PCGF6: variants seen among roughly 807,000 people sequenced by gnomAD.
PCGF6 encodes the protein polycomb group ring finger 6.
Under a neutral mutation model 45.5 loss-of-function variants are expected in PCGF6, and 24 were observed. That is an observed-to-expected ratio of 0.53 (90% CI 0.38 to 0.74). PCGF6 has a LOEUF of 0.74. PCGF6 is among the 30% of genes least tolerant of loss of function. The probability of loss-of-function intolerance (pLI) is 0.00; values close to 1 mark genes in which losing one functional copy is unlikely to be tolerated. For synonymous variants in PCGF6, 152 were observed against 162.1 expected, an observed-to-expected ratio of 0.94 and a Z score of 0.47; for missense variants, 356 against 443.2, an observed-to-expected ratio of 0.80 and a Z score of 1.77.
intron 6 of PCGF6, among the ~76,000 whole-genome samples, chr10:103,339,862 CACACAA>C (rs2093273637): frequency 4.1e-5 from 5 of 122,766 alleles, no homozygotes; most frequent in East Asian, 2.4e-4. Context: ...CACACACACA[CACACAA>C]AAGCATCTTA....
chr10:103,319,687 C>G (rs2093189547), intron 8 of PCGF6, among the ~76,000 whole-genome samples: 1 of 152,048 alleles, frequency 6.6e-6, no homozygotes, highest in African/African-American at 2.4e-5. Context: ...ATACATAGAC[C>G]CTCAATTTAG....
At chr10:103,315,118 CTG>C (rs1159943212) in intron 8 of PCGF6, among the ~76,000 whole-genome samples, 13 of 152,068 alleles carry the variant, frequency 8.5e-5, no homozygotes, top group Non-Finnish European at 1.9e-4. Context: ...ACTAAGGAAA[CTG>C]TTTTGTAGAT....
At position 103,303,842 on chromosome 10, in the gene PCGF6, T is replaced by G. The variant is rs2093127724; in HGVS notation, c.*63A>C. 3 of 1,381,722 alleles carry G rather than the reference T, an allele frequency of 2.2e-6. No homozygotes were observed. The South Asian group carries it at 3.6e-5, about 17-fold the overall frequency. 85.6% of individuals were successfully genotyped at this position (1,381,722 alleles called of 1,614,324 possible). On this transcript the variant is annotated 3_prime_UTR_variant, in exon 10 of 10. Coordinates refer to ENST00000369847, the MANE Select transcript of PCGF6 (RefSeq NM_001011663.2). ...TAGCAATTACATTTCATGGAAATCT[T>G]TGGTGAGATGCAGTCCTGCAGAAGC...
intron 6 of PCGF6, among the ~76,000 whole-genome samples, chr10:103,344,244 G>GA (rs201738694): frequency 3.2e-4 from 46 of 143,806 alleles, no homozygotes; most frequent in Non-Finnish European, 4.3e-4. Context: ...GCAACCACAT[G>GA]AAAAAAAAAG....
chr10:103,349,312 T>A (rs1417182993), intron 1 of PCGF6, among the ~76,000 whole-genome samples: 1 of 151,874 alleles, frequency 6.6e-6, no homozygotes, highest in African/African-American at 2.4e-5. Context: ...CCTCCCAAAG[T>A]GCTAGGATTA....
intron 6 of PCGF6, among the ~76,000 whole-genome samples, chr10:103,339,305 G>C (rs923458372): frequency 1.1e-4 from 17 of 152,114 alleles, no homozygotes; most frequent in African/African-American, 4.1e-4. Flanking sequence ...CGAGAGGATT[G>C]CTTGAGTATA....
chr10:103,307,414 G>A (rs1318950606), intron 9 of PCGF6, among the ~76,000 whole-genome samples: 3 of 151,880 alleles, frequency 2.0e-5, no homozygotes, highest in Non-Finnish European at 4.4e-5. Flanking sequence ...TCCAACCTGG[G>A]CAACACGACA....
Position 103,310,903 on chromosome 10 carries a change from G to A in PCGF6, c.996+3283C>T, listed in dbSNP as rs117163338. On this transcript the variant is annotated intron_variant, in intron 9 of 9. Coordinates refer to ENST00000369847, the MANE Select transcript of PCGF6 (RefSeq NM_001011663.2). ...TTTCGTAGAGATGGGGTTTCATCACGTTGTCTAAGCTGGTCTTGAAGTGTT... is the reference window on the plus strand; with the variant it reads ...TTTCGTAGAGATGGGGTTTCATCACATTGTCTAAGCTGGTCTTGAAGTGTT... Among the ~76,000 whole-genome samples the A allele has an allele frequency of 5.9e-4, 90 of 152,090 alleles. 1 individual carries two copies. In the East Asian group the frequency reaches 0.016, roughly 28 times the overall value.
intron 9 of PCGF6, among the ~76,000 whole-genome samples, chr10:103,304,804 C>T (rs1463667579): frequency 6.6e-6 from 1 of 152,032 alleles, no homozygotes; most frequent in East Asian, 1.9e-4. Context: ...AATAGACACG[C>T]ACCACCACCA....
chr10:103,316,011 T>TAC (rs1405037542), intron 8 of PCGF6, among the ~76,000 whole-genome samples: 1 of 129,790 alleles, frequency 7.7e-6, no homozygotes, highest in East Asian at 2.2e-4. Context: ...TATATATATA[T>TAC]ATAGAGAGAG....
chr10:103,339,625 C>G (rs1315350756), intron 6 of PCGF6, among the ~76,000 whole-genome samples: 1 of 149,760 alleles, frequency 6.7e-6, no homozygotes, highest in Non-Finnish European at 1.5e-5. Flanking sequence ...CCCATCTCTA[C>G]TAAAAAATAC....
intron 8 of PCGF6, among the ~76,000 whole-genome samples, chr10:103,318,618 G>A (rs576615136): frequency 4.0e-5 from 6 of 149,878 alleles, no homozygotes; most frequent in African/African-American, 7.4e-5. Flanking sequence ...GGTGGCGGTC[G>A]CCTGTAATCC....
intron 9 of PCGF6, among the ~76,000 whole-genome samples, chr10:103,304,343 CATTT>C (rs1211742073): frequency 1.3e-5 from 2 of 151,676 alleles, no homozygotes; most frequent in Admixed American, 1.3e-4. Flanking sequence ...TGTATGTATA[CATTT>C]ATTTATTTTT....
chr10:103,326,406 A>AC, intron 8 of PCGF6, 128 bp downstream of exon 8: 1 of 536,574 alleles, frequency 1.9e-6, no homozygotes, highest in East Asian at 3.5e-5. Context: ...AAAAAAAAAA[A>AC]CAATGTCTAC....
At chr10:103,347,764 C>T (rs1592079522) in intron 3 of PCGF6, among the ~76,000 whole-genome samples, 1 of 152,236 alleles carries the variant, frequency 6.6e-6, no homozygotes, top group East Asian at 1.9e-4. Context: ...TCATGGCTCA[C>T]TGCAGCCTCC....
Position 103,324,517 on chromosome 10 carries a change from G to C in PCGF6, c.909+2017C>G, listed in dbSNP as rs531743376. ...CTTATGCCTGTAATCCCAGCACTTT[G>C]GGAGGCCGAGGCGGGAGGATCACGA... On this transcript the variant is annotated intron_variant, in intron 8 of 9. Coordinates refer to ENST00000369847, the MANE Select transcript of PCGF6 (RefSeq NM_001011663.2). Among the ~76,000 whole-genome samples the C allele has an allele frequency of 3.3e-5, 5 of 151,910 alleles. No homozygotes were observed. The East Asian group carries it at 9.7e-4, about 29-fold the overall frequency.
intron 9 of PCGF6, among the ~76,000 whole-genome samples, chr10:103,307,643 T>C (rs1486982973): frequency 1.3e-5 from 2 of 152,036 alleles, no homozygotes; most frequent in African/African-American, 4.8e-5. Context: ...CTGCCAGTTT[T>C]TGTATTTTTT....
chr10:103,307,720 G>A (rs963908697), intron 9 of PCGF6, among the ~76,000 whole-genome samples: 7 of 152,112 alleles, frequency 4.6e-5, no homozygotes, highest in East Asian at 3.9e-4. Flanking sequence ...TGACCCTCCC[G>A]CCTCGGCCTC....
rs978195971 is a variant in PCGF6, at chr10:103,329,044, G to A, written c.811-2412C>T. 9.4e-5 allele frequency among the ~76,000 whole-genome samples: 10 copies of A among 106,772 alleles called. No individual in the cohort carries two copies. The Admixed American group carries it at 9.6e-4, about 10-fold the overall frequency. 70.0% of individuals were successfully genotyped at this position (106,772 alleles called of 152,430 possible). A position where few individuals can be genotyped will look rare whatever the true frequency, so the allele number is the denominator to read the frequency against. ...ACAGGCGTGAGCCACTGCGCCCGGC[G>A]GATTTTAACTTTTGAGATGGAGTCT... On this transcript the variant is annotated intron_variant, in intron 7 of 9. Coordinates refer to ENST00000369847, the MANE Select transcript of PCGF6 (RefSeq NM_001011663.2).
Sources: allele counts gnomAD v4.1 joint callset (sites outside exome capture counted in the v4.1 genomes callset), GRCh38; gene constraint gnomAD v4.1.1; transcripts MANE v1.5; gene names NCBI Gene and HGNC (gene_info 2026-07-23, HGNC 2026-07-21).